Variants in TBC1D22A observed in about 807,000 individuals in gnomAD.
TBC1D22A encodes putative GTPase activator.
A neutral mutation model predicts 60.2 loss-of-function variants in TBC1D22A; 38 were observed. The observed-to-expected ratio is 0.63, with a 90% CI of 0.49 to 0.83. The LOEUF (loss-of-function observed/expected upper bound fraction) is 0.83, where lower values mean the gene tolerates loss of function less well. Among genes scored for constraint, TBC1D22A ranks in the 40% least tolerant of loss-of-function variants. The pLI is 0.00. For synonymous variants in TBC1D22A, 302 were observed against 281.7 expected (o/e 1.07, Z -0.72); for missense variants, 628 against 701.0 (o/e 0.90, Z 1.18).
intron 11 of TBC1D22A, among the ~76,000 whole-genome samples, chr22:47,076,384 C>T (rs556538029): frequency 0.23 from 23,512 of 101,796 alleles, 2,888 homozygotes; most frequent in African/African-American, 0.27. Context: ...TATATATACA[C>T]ACACACACAC....
intron 9 of TBC1D22A, among the ~76,000 whole-genome samples, chr22:46,995,536 A>C (rs2075093184): frequency 6.6e-6 from 1 of 151,492 alleles, no homozygotes; most frequent in African/African-American, 2.4e-5. Context: ...TGTGTGTGAG[A>C]GAGAAACGTA....
intron 11 of TBC1D22A, among the ~76,000 whole-genome samples, chr22:47,088,467 G>A (rs1373408696): frequency 1.3e-5 from 2 of 152,180 alleles, no homozygotes; most frequent in Non-Finnish European, 2.9e-5. Flanking sequence ...TACCAAGAAT[G>A]TTAAAGTCTA....
chr22:46,868,380 G>A (rs1434485858), intron 4 of TBC1D22A, among the ~76,000 whole-genome samples: 2 of 152,082 alleles, frequency 1.3e-5, no homozygotes, highest in Non-Finnish European at 2.9e-5. Context: ...ATATGTGTAA[G>A]GTATATATGA....
intron 7 of TBC1D22A, among the ~76,000 whole-genome samples, chr22:46,909,117 T>C (rs2069706940): frequency 6.6e-6 from 1 of 152,196 alleles, no homozygotes. Context: ...AAATTGGTTT[T>C]ATCCAGCACT....
chr22:47,173,693 A>G lies in TBC1D22A; in HGVS notation c.*67A>G. ...GCGCCCCACCTGCCTGGCTGGTGGT[A>G]GGCCCCTGTGAGCTGGTCCCGGGCT... On this transcript the variant is annotated 3_prime_UTR_variant, in exon 13 of 13. Coordinates refer to ENST00000337137, the MANE Select transcript of TBC1D22A (RefSeq NM_014346.5). 2 of 1,604,122 alleles carry G rather than the reference A, an allele frequency of 1.2e-6. No homozygotes were observed. Among genetic ancestry groups the G allele is most frequent in the Non-Finnish European group, 1.7e-6 (2 of 1,174,462 alleles).
chr22:46,919,568 G>A (rs770853016), intron 8 of TBC1D22A, among the ~76,000 whole-genome samples: 2 of 152,040 alleles, frequency 1.3e-5, no homozygotes, highest in Non-Finnish European at 2.9e-5. Flanking sequence ...AGAATTACTG[G>A]GTCACATGGT....
chr22:47,089,351 G>A (rs1010902024), intron 11 of TBC1D22A, among the ~76,000 whole-genome samples: 1 of 152,260 alleles, frequency 6.6e-6, no homozygotes, highest in Non-Finnish European at 1.5e-5. Context: ...CAGAGCGGGG[G>A]TCGGTAATAA....
intron 8 of TBC1D22A, among the ~76,000 whole-genome samples, chr22:46,918,425 G>A (rs1477233365): frequency 6.6e-6 from 1 of 152,252 alleles, no homozygotes; most frequent in East Asian, 1.9e-4. Context: ...TGTGGGTGGA[G>A]ACAGGAGGCA....
chr22:46,776,735 G>A (rs1421774625), intron 1 of TBC1D22A, among the ~76,000 whole-genome samples: 1 of 152,050 alleles, frequency 6.6e-6, no homozygotes, highest in Admixed American at 6.6e-5. Context: ...TTGCAATTCA[G>A]TTAGTTCAGT....
In TBC1D22A at chr22:47,145,390, G is replaced by A. The variant is rs140632713; in HGVS notation, c.1426-28108G>A. On this transcript the variant is annotated intron_variant, in intron 12 of 12. Transcript: ENST00000337137. ...GAGGACCCTGAGTGGAGAGGTCCTC[G>A]GCCCAGAGTCCTTCTTAGCCAGCAC... 4.7e-3 allele frequency among the ~76,000 whole-genome samples: 713 copies of A among 152,262 alleles called. 2 individuals carry two copies. Among genetic ancestry groups the A allele is most frequent in the African/African-American group, 0.016 (654 of 41,544 alleles).
chr22:47,087,057 G>T (rs928755740), intron 11 of TBC1D22A, among the ~76,000 whole-genome samples: 5 of 152,214 alleles, frequency 3.3e-5, no homozygotes, highest in Non-Finnish European at 5.9e-5. Flanking sequence ...GTGAGCTCTT[G>T]GTTGCCTCAC....
chr22:46,806,907 G>T (rs1481987790), intron 4 of TBC1D22A, among the ~76,000 whole-genome samples: 1 of 152,222 alleles, frequency 6.6e-6, no homozygotes, highest in Non-Finnish European at 1.5e-5. Flanking sequence ...ATATGAGGAG[G>T]GGAAGTTCAA....
intron 4 of TBC1D22A, among the ~76,000 whole-genome samples, chr22:46,862,517 T>G (rs2087953942): frequency 6.6e-6 from 1 of 152,156 alleles, no homozygotes; most frequent in Non-Finnish European, 1.5e-5. Context: ...TGGTTGAAAA[T>G]GGCTCCCGAG....
intron 10 of TBC1D22A, among the ~76,000 whole-genome samples, chr22:47,006,381 CTTA>C (rs1208236632): frequency 6.6e-6 from 1 of 152,258 alleles, no homozygotes; most frequent in Non-Finnish European, 1.5e-5. Context: ...TTTCTGCCAT[CTTA>C]TTATTCTCTG....
At chr22:46,903,718 C>T (rs566960380) in intron 7 of TBC1D22A, among the ~76,000 whole-genome samples, 32 of 152,272 alleles carry the variant, frequency 2.1e-4, no homozygotes, top group African/African-American at 5.5e-4. Flanking sequence ...TCGGCTGGGC[C>T]GCTGCTGTGA....
chr22:46,989,759 TCA>T lies in TBC1D22A; in HGVS notation c.1126-7848_1126-7847del, dbSNP rs35714390. Reference sequence around the variant, plus strand: ...AGAGAATTGCCAAAATGTGACAGAGTCACACACACACACACACACACACACAC... The same window carrying T: ...AGAGAATTGCCAAAATGTGACAGAGTCACACACACACACACACACACACAC... On this transcript the variant is annotated intron_variant, in intron 9 of 12. Coordinates refer to ENST00000337137, the MANE Select transcript of TBC1D22A (RefSeq NM_014346.5). Among the ~76,000 whole-genome samples, 494 of 145,906 alleles carry T rather than the reference TCA, an allele frequency of 3.4e-3. 1 individual carries two copies. Among genetic ancestry groups the T allele is most frequent in the African/African-American group, 5.3e-3 (208 of 39,520 alleles).
chr22:46,798,265 C>A (rs1406662132), intron 4 of TBC1D22A, among the ~76,000 whole-genome samples: 2 of 152,258 alleles, frequency 1.3e-5, no homozygotes, highest in African/African-American at 2.4e-5. Context: ...CATCCTTGTT[C>A]TTGACAGTAT....
chr22:47,114,020 T>C (rs186173876), intron 12 of TBC1D22A, among the ~76,000 whole-genome samples: 1 of 152,308 alleles, frequency 6.6e-6, no homozygotes, highest in Non-Finnish European at 1.5e-5. Context: ...CCTTGACAGA[T>C]GCAAGTGACA....
chr22:47,173,159 C>T (rs557622534), intron 12 of TBC1D22A, among the ~76,000 whole-genome samples: 11 of 152,340 alleles, frequency 7.2e-5, no homozygotes, highest in African/African-American at 1.2e-4. Flanking sequence ...GCCCCTGCCA[C>T]GACATCTCAG....
Sources: gnomAD v4.1 joint callset for allele counts (sites outside exome capture counted in the v4.1 genomes callset) on GRCh38, gnomAD v4.1.1 for gene constraint, MANE v1.5 for transcripts, NCBI Gene and HGNC (gene_info 2026-07-23, HGNC 2026-07-21) for gene names.